ST8SIA6: variants seen among roughly 807,000 people sequenced by gnomAD.
ST8SIA6 encodes the protein alpha-2,8-sialyltransferase 8F.
Under a neutral mutation model 33.6 loss-of-function variants are expected in ST8SIA6, and 39 were observed. That is an observed-to-expected ratio of 1.16 (90% CI 0.90 to 1.52). The LOEUF (loss-of-function observed/expected upper bound fraction) is 1.52. ST8SIA6 is among the 40% of genes most tolerant of loss of function. The probability of loss-of-function intolerance (pLI) is 0.00; values close to 1 mark genes in which losing one functional copy is unlikely to be tolerated. For missense variants in ST8SIA6, 441 were observed against 443.8 expected, an observed-to-expected ratio of 0.99 and a Z score of 0.06; for synonymous variants, 172 against 167.2, an observed-to-expected ratio of 1.03 and a Z score of -0.22.
At chr10:17,428,680 C>T (rs1018827822) in intron 2 of ST8SIA6, among the ~76,000 whole-genome samples, 2 of 151,802 alleles carry the variant, frequency 1.3e-5, no homozygotes, top group Non-Finnish European at 2.9e-5. Context: ...TAAAAGGGCG[C>T]AGAGGCCAGA....
At chr10:17,453,780 C>G in intron 1 of ST8SIA6, 123 bp from the exon 2 acceptor site, 1 of 679,340 alleles carries the variant, frequency 1.5e-6, no homozygotes. Context: ...CAGGCCAGGT[C>G]CCCAGCCCCA....
In ST8SIA6 at chr10:17,390,479, A is replaced by C. The variant is rs1850549247; in HGVS notation, c.290+52T>G. 9 of 1,466,148 alleles carry C rather than the reference A, an allele frequency of 6.1e-6. No homozygotes were observed. In the East Asian group the frequency reaches 1.1e-4, roughly 19 times the overall value. 90.8% of individuals were successfully genotyped at this position (1,466,148 alleles called of 1,614,324 possible). A position where few individuals can be genotyped will look rare whatever the true frequency, so the allele number is the denominator to read the frequency against. On this transcript the variant is annotated intron_variant, in intron 3 of 7. Transcript: ENST00000377602. ...TTCAGAGACACTGTCAGACATTCTG[A>C]AAATAAAACCCTTGTTGTAAAAGGA...
chr10:17,334,692 A>T (rs1848450599), intron 4 of ST8SIA6, among the ~76,000 whole-genome samples: 1 of 152,100 alleles, frequency 6.6e-6, no homozygotes, highest in Admixed American at 6.5e-5. Context: ...AAGTGGGGTG[A>T]ATTTAAAGTT....
chr10:17,361,605 C>G (rs1394283819), intron 3 of ST8SIA6, among the ~76,000 whole-genome samples: 1 of 149,636 alleles, frequency 6.7e-6, no homozygotes, highest in Admixed American at 6.7e-5. Context: ...AATATTAATA[C>G]CAATTGTATG....
intron 3 of ST8SIA6, among the ~76,000 whole-genome samples, chr10:17,388,861 A>T (rs1318517683): frequency 1.3e-5 from 2 of 152,198 alleles, no homozygotes; most frequent in Non-Finnish European, 2.9e-5. Flanking sequence ...CTGCCTTTGC[A>T]GGACTAACAA....
At chr10:17,374,128 T>TTTA (rs397934119) in intron 3 of ST8SIA6, among the ~76,000 whole-genome samples, 3 of 101,110 alleles carry the variant, frequency 3.0e-5, no homozygotes, top group South Asian at 6.8e-4. Context: ...AAAAGTAGTC[T>TTTA]ATTTCTCATC....
intron 2 of ST8SIA6, among the ~76,000 whole-genome samples, chr10:17,440,034 C>A (rs1852417259): frequency 6.6e-6 from 1 of 152,192 alleles, no homozygotes; most frequent in Non-Finnish European, 1.5e-5. Context: ...GCTCTGGCTT[C>A]ACTCCATTAC....
chr10:17,442,455 C>G (rs898885565), intron 2 of ST8SIA6, among the ~76,000 whole-genome samples: 1 of 152,194 alleles, frequency 6.6e-6, no homozygotes, highest in African/African-American at 2.4e-5. Context: ...CTGAGTAACA[C>G]TAATTTCTGC....
Position 17,338,031 on chromosome 10 carries a change from C to CTT in ST8SIA6, c.378-6481_378-6480dup, listed in dbSNP as rs71393003. On this transcript the variant is annotated intron_variant, in intron 4 of 7. Coordinates refer to ENST00000377602, the MANE Select transcript of ST8SIA6 (RefSeq NM_001004470.3). Reference sequence around the variant, plus strand: ...ACACAAGGAGGCAGAAAATACTATTCTTTTTTTTTTTTTTTTTTTTGAGAC... The same window carrying CTT: ...ACACAAGGAGGCAGAAAATACTATTCTTTTTTTTTTTTTTTTTTTTTTGAGAC... Among the ~76,000 whole-genome samples, 1,049 of 131,362 alleles carry CTT rather than the reference C, an allele frequency of 8.0e-3. 24 individuals are homozygous for CTT. Among genetic ancestry groups the CTT allele is most frequent in the South Asian group, 0.026 (105 of 3,974 alleles). The allele number at this position is 131,362 out of a possible 152,430, so 86.2% of individuals were successfully genotyped here.
intron 3 of ST8SIA6, among the ~76,000 whole-genome samples, chr10:17,376,225 A>C (rs192590001): frequency 2.0e-5 from 3 of 152,216 alleles, no homozygotes. Context: ...TTTGAGCAGC[A>C]AGATGGTTGA....
intron 2 of ST8SIA6, among the ~76,000 whole-genome samples, chr10:17,426,489 A>G (rs749421269): frequency 2.6e-5 from 4 of 152,224 alleles, no homozygotes; most frequent in Non-Finnish European, 5.9e-5. Flanking sequence ...TGGGAAAAAG[A>G]GCTGGCGTTT....
rs369292655 is a variant in ST8SIA6, at chr10:17,360,973, AAGG to A, written c.291-1376_291-1374del. ...GAAGAAGGAGGAGGAGGAGAAGAAG[AAGG>A]AGAAGAAGAGGGAGAAGAAGAATCA... On this transcript the variant is annotated intron_variant, in intron 3 of 7. Transcript: ENST00000377602. Among the ~76,000 whole-genome samples, 447 of 151,902 alleles carry A rather than the reference AAGG, an allele frequency of 2.9e-3. 5 individuals are homozygous for A. Among genetic ancestry groups the A allele is most frequent in the African/African-American group, 0.01 (431 of 41,492 alleles).
At chr10:17,391,551 C>T (rs1005621710) in intron 2 of ST8SIA6, among the ~76,000 whole-genome samples, 3 of 152,162 alleles carry the variant, frequency 2.0e-5, no homozygotes, top group Admixed American at 6.5e-5. Flanking sequence ...CGTGAGCCAC[C>T]GCTCCCAGTC....
At chr10:17,326,944 T>G in intron 6 of ST8SIA6, 70 bp downstream of exon 6, 2 of 1,104,636 alleles carry the variant, frequency 1.8e-6, no homozygotes. Flanking sequence ...AATGGATATC[T>G]TTACACTATC....
At chr10:17,356,282 C>T (rs1050598644) in intron 4 of ST8SIA6, among the ~76,000 whole-genome samples, 1 of 151,772 alleles carries the variant, frequency 6.6e-6, no homozygotes, top group Admixed American at 6.6e-5. Context: ...AGAAATATGC[C>T]CATAAAAAGA....
rs141513361 is a variant in ST8SIA6 at position 17,449,610 on chromosome 10, C to T, written c.200+3949G>A. Among the ~76,000 whole-genome samples, 30 of 152,278 alleles carry T rather than the reference C, an allele frequency of 2.0e-4. 1 individual carries two copies. The East Asian group carries it at 5.8e-3, about 29-fold the overall frequency. ...TATATTCCAAATTCTTTTCATTCTCCCACTTTAGCACATTAACCATCTTAC... is the reference window on the plus strand; with the variant it reads ...TATATTCCAAATTCTTTTCATTCTCTCACTTTAGCACATTAACCATCTTAC... On this transcript the variant is annotated intron_variant, in intron 2 of 7. Transcript: ENST00000377602.
At chr10:17,326,269 C>G (rs45481097) in intron 6 of ST8SIA6, among the ~76,000 whole-genome samples, 2,729 of 152,248 alleles carry the variant, frequency 0.018, 57 homozygotes, top group East Asian at 0.085. Context: ...GAAATCAGTG[C>G]TCCTAAAACA....
chr10:17,440,786 C>A lies in ST8SIA6; in HGVS notation c.200+12773G>T, dbSNP rs140718733. Among the ~76,000 whole-genome samples the A allele has an allele frequency of 8.2e-3, 1,254 of 152,200 alleles. 5 individuals carry two copies. Among genetic ancestry groups the A allele is most frequent in the Non-Finnish European group, 0.013 (903 of 67,988 alleles). On this transcript the variant is annotated intron_variant, in intron 2 of 7. Coordinates refer to ENST00000377602, the MANE Select transcript of ST8SIA6 (RefSeq NM_001004470.3). ...CCTTCTCCATGTCACGGTGGCATTGCTACAAAAGTCATTATAAAAGACATG... is the reference window on the plus strand; with the variant it reads ...CCTTCTCCATGTCACGGTGGCATTGATACAAAAGTCATTATAAAAGACATG...
At chr10:17,396,947 T>C (rs2131672059) in intron 2 of ST8SIA6, among the ~76,000 whole-genome samples, 2 of 152,322 alleles carry the variant, frequency 1.3e-5, no homozygotes, top group South Asian at 4.1e-4. Flanking sequence ...TCCACCACAG[T>C]CCTCTCTTCT....
Sources: allele counts gnomAD v4.1 joint callset (sites outside exome capture counted in the v4.1 genomes callset), GRCh38; gene constraint gnomAD v4.1.1; transcripts MANE v1.5; gene names NCBI Gene and HGNC (gene_info 2026-07-23, HGNC 2026-07-21).